The following RIC1 variants were observed in gnomAD, a reference collection of about 807,000 sequenced individuals.
The protein encoded by RIC1 is guanine nucleotide exchange factor subunit RIC1.
In RIC1, 88 loss-of-function variants were observed where a neutral mutation model predicts 169.0. The ratio of observed to expected loss-of-function variants is 0.52; its 90% CI spans 0.44 to 0.62. The LOEUF (loss-of-function observed/expected upper bound fraction) is 0.62, where lower values mean the gene tolerates loss of function less well. Ranked by LOEUF, RIC1 falls within the 20% of genes least tolerant of loss-of-function variation. The pLI, the probability that RIC1 is intolerant of heterozygous loss-of-function variation, is 0.00. For synonymous variants in RIC1, 790 were observed against 601.5 expected (o/e 1.31, Z -4.59); for missense variants, 1,877 against 1,725.5 (o/e 1.09, Z -1.56).
At chr9:5,662,813 G>C (rs1213228932) in intron 2 of RIC1, among the ~76,000 whole-genome samples, 3 of 151,890 alleles carry the variant, frequency 2.0e-5, no homozygotes, top group African/African-American at 7.3e-5. Context: ...TCGTTTGAAT[G>C]GTCTTTCATG....
intron 8 of RIC1, 138 bp downstream of exon 8, chr9:5,738,676 C>A: frequency 2.2e-6 from 1 of 465,096 alleles, no homozygotes; most frequent in Non-Finnish European, 3.7e-6. Flanking sequence ...TGTAAACTGG[C>A]TCAAGTCTGG....
At chr9:5,706,349 G>C (rs545603664) in intron 3 of RIC1, among the ~76,000 whole-genome samples, 36 of 152,240 alleles carry the variant, frequency 2.4e-4, no homozygotes, top group South Asian at 2.1e-3. Context: ...GTACTCGGGA[G>C]GCTAAGGCAG....
rs917236537 is a variant in RIC1, at chr9:5,736,986, A to G, written c.813-1464A>G. ...ACCATCTGATTTCTCCTACCACCAA[A>G]AAAAAAAAAAACAATCTGGTAGTCA... On this transcript the variant is annotated intron_variant, in intron 7 of 25. Transcript: ENST00000414202. Among the ~76,000 whole-genome samples the G allele has an allele frequency of 6.1e-4, 91 of 150,182 alleles. 1 individual carries two copies. In the East Asian group the frequency reaches 0.014, roughly 24 times the overall value.
chr9:5,656,215 A>G (rs950548999), intron 1 of RIC1, among the ~76,000 whole-genome samples: 3 of 152,144 alleles, frequency 2.0e-5, no homozygotes, highest in African/African-American at 7.2e-5. Context: ...TTTGGTATTA[A>G]GGGAATGCTG....
At chr9:5,669,275 C>T (rs1465870402) in intron 2 of RIC1, among the ~76,000 whole-genome samples, 2 of 152,130 alleles carry the variant, frequency 1.3e-5, no homozygotes, top group African/African-American at 4.8e-5. Context: ...TCTTTTATCC[C>T]TCACCCGCCT....
intron 7 of RIC1, among the ~76,000 whole-genome samples, chr9:5,735,528 G>C (rs916254802): frequency 6.6e-6 from 1 of 152,182 alleles, no homozygotes; most frequent in African/African-American, 2.4e-5. Context: ...AGTCACCTCA[G>C]TTTTCATCAG....
intron 2 of RIC1, among the ~76,000 whole-genome samples, chr9:5,688,018 C>T (rs1449795925): frequency 6.6e-6 from 1 of 152,094 alleles, no homozygotes; most frequent in Non-Finnish European, 1.5e-5. Context: ...TTTTTCATCT[C>T]AGATATTTTA....
chr9:5,704,950 T>C (rs891709697), intron 3 of RIC1, among the ~76,000 whole-genome samples: 1 of 152,318 alleles, frequency 6.6e-6, no homozygotes, highest in East Asian at 1.9e-4. Context: ...CTTGGCACCT[T>C]TGCCAATAAT....
intron 15 of RIC1, among the ~76,000 whole-genome samples, chr9:5,755,250 T>A (rs1240338519): frequency 6.6e-6 from 1 of 152,204 alleles, no homozygotes. Flanking sequence ...TAGATTTATT[T>A]AGTTACTGAT....
chr9:5,637,299 G>C (rs1331811257), intron 1 of RIC1, among the ~76,000 whole-genome samples: 1 of 151,860 alleles, frequency 6.6e-6, no homozygotes, highest in East Asian at 1.9e-4. Context: ...GAACTCCTGA[G>C]CTCAAGTGAT....
At chr9:5,777,830 A>G (rs1474277075), downstream of RIC1, among the ~76,000 whole-genome samples, 2 of 152,160 alleles carry the variant, frequency 1.3e-5, no homozygotes, top group Non-Finnish European at 1.5e-5. Context: ...ATGATCTATA[A>G]TATCTTCTTA....
At chr9:5,710,617 T>C (rs1822871845) in intron 3 of RIC1, among the ~76,000 whole-genome samples, 1 of 152,200 alleles carries the variant, frequency 6.6e-6, no homozygotes, top group Non-Finnish European at 1.5e-5. Context: ...TTGTTAGCCA[T>C]TTTAGGAAAG....
chr9:5,649,635 T>C (rs1376273888), intron 1 of RIC1, among the ~76,000 whole-genome samples: 2 of 152,144 alleles, frequency 1.3e-5, no homozygotes, highest in African/African-American at 4.8e-5. Context: ...TGAGTGTCTT[T>C]AGTATTATTT....
chr9:5,692,528 T>A (rs1182258416), intron 3 of RIC1, among the ~76,000 whole-genome samples: 1 of 152,108 alleles, frequency 6.6e-6, no homozygotes. Context: ...GTCTAACTTC[T>A]AGTAACTGCT....
At chr9:5,696,057 T>G (rs1821885842) in intron 3 of RIC1, among the ~76,000 whole-genome samples, 2 of 152,202 alleles carry the variant, frequency 1.3e-5, no homozygotes, top group Non-Finnish European at 2.9e-5. Context: ...ACATATTTGT[T>G]CAGTCATCAA....
In RIC1 at chr9:5,765,782, G is replaced by A. The variant is rs747692758; in HGVS notation, c.3121G>A (p.Gly1041Ser). 1.9e-6 allele frequency: 3 copies of A among 1,614,062 alleles called. No individual in the cohort carries two copies. Among genetic ancestry groups the A allele is most frequent in the Non-Finnish European group, 2.5e-6 (3 of 1,179,970 alleles). ...SLQKTLSMPSGPSGKRWSKDS... is the reference protein window; with the variant it reads ...SLQKTLSMPSSPSGKRWSKDS... ...ACAGAAAACACTAAGTATGCCATCT[G>A]GTCCCTCTGGAAAAAGGTAAAATAA... Residue 1041 changes from glycine (G) to serine (S), a missense_variant, in exon 21 of 26, where the codon GGT (glycine) becomes AGT (serine). By Grantham distance (56) the Gly-to-Ser change is moderately conservative. Transcript: ENST00000414202.
intron 17 of RIC1, among the ~76,000 whole-genome samples, chr9:5,760,914 C>T (rs546784947): frequency 6.6e-6 from 1 of 152,126 alleles, no homozygotes; most frequent in South Asian, 2.1e-4. Context: ...GGACACAATC[C>T]CACAAGTTTT....
chr9:5,778,178 T>C (rs1563735988), downstream of RIC1, among the ~76,000 whole-genome samples: 1 of 152,248 alleles, frequency 6.6e-6, no homozygotes, highest in Non-Finnish European at 1.5e-5. Flanking sequence ...GATTTATTTC[T>C]AAGTATTGCT....
chr9:5,671,672 TTTAAG>T (rs1820116586), intron 2 of RIC1, among the ~76,000 whole-genome samples: 1 of 152,120 alleles, frequency 6.6e-6, no homozygotes, highest in African/African-American at 2.4e-5. Context: ...GTAGAAATGG[TTTAAG>T]TTAATTTCTA....
Sources: gnomAD v4.1 joint callset for allele counts (sites outside exome capture counted in the v4.1 genomes callset) on GRCh38, gnomAD v4.1.1 for gene constraint, MANE v1.5 for transcripts, NCBI Gene and HGNC (gene_info 2026-07-23, HGNC 2026-07-21) for gene names.